The following MED24 variants were observed in gnomAD, a reference collection of about 807,000 sequenced individuals.
The protein encoded by MED24 is mediator complex subunit 24, also known as mediator of RNA polymerase II transcription subunit 24.
A neutral mutation model predicts 118.8 loss-of-function variants in MED24; 74 were observed. That is an observed-to-expected ratio of 0.62 (90% CI 0.52 to 0.76). The LOEUF (loss-of-function observed/expected upper bound fraction) is 0.76, where lower values mean the gene tolerates loss of function less well. Ranked by LOEUF, MED24 falls within the 30% of genes least tolerant of loss-of-function variation. The probability of loss-of-function intolerance (pLI) is 0.00; values close to 1 mark genes in which losing one functional copy is unlikely to be tolerated. For synonymous variants in MED24, 521 were observed against 523.9 expected (o/e 0.99, Z 0.08); for missense variants, 1,041 against 1,278.9 (o/e 0.81, Z 2.84).
chr17:40,027,320 T>TG, intron 16 of MED24, 63 bp downstream of exon 16: 1 of 1,518,582 alleles, frequency 6.6e-7, no homozygotes, highest in African/African-American at 1.4e-5. Flanking sequence ...GGCAGTGAGG[T>TG]GGGGAGAGTT....
chr17:40,022,339 T>C (rs1982120136), intron 22 of MED24, 55 bp downstream of exon 22: 1 of 1,522,278 alleles, frequency 6.6e-7, no homozygotes, highest in African/African-American at 1.4e-5. Context: ...CCTTAGGAAA[T>C]GCTGTAACAA....
In MED24 at chr17:40,019,201, C is replaced by CACACACAT. The variant is rs1555661994; in HGVS notation, c.*327_*328insATGTGTGT. 7 of 308,746 alleles carry CACACACAT rather than the reference C, an allele frequency of 2.3e-5. No individual in the cohort carries two copies. Among genetic ancestry groups the CACACACAT allele is most frequent in the Non-Finnish European group, 1.8e-5 (3 of 164,202 alleles). 19.1% of individuals were successfully genotyped at this position (308,746 alleles called of 1,614,324 possible). On this transcript the variant is annotated 3_prime_UTR_variant, in exon 26 of 26. Coordinates refer to ENST00000394128, the MANE Select transcript of MED24 (RefSeq NM_014815.4). ...ACACACACACACACACACACACACACACATACACACTTTGCATCTAGAAAG... is the reference window on the plus strand; with the variant it reads ...ACACACACACACACACACACACACACACACACATACATACACACTTTGCATCTAGAAAG...
At chr17:40,053,252 A>T (rs918025044) in intron 3 of MED24, 46 bp downstream of exon 3, 13 of 1,524,024 alleles carry the variant, frequency 8.5e-6, no homozygotes, top group Non-Finnish European at 1.2e-5. Context: ...CAAGTTTTTT[A>T]CCCCCAGAAC....
chr17:40,048,755 A>G (rs1330369080), intron 3 of MED24, among the ~76,000 whole-genome samples: 1 of 152,046 alleles, frequency 6.6e-6, no homozygotes, highest in East Asian at 1.9e-4. Flanking sequence ...GAATTTCACC[A>G]TGTTGACCAA....
intron 3 of MED24, among the ~76,000 whole-genome samples, chr17:40,049,063 T>A (rs907168070): frequency 4.6e-5 from 7 of 152,040 alleles, no homozygotes; most frequent in African/African-American, 1.7e-4. Context: ...GTCCAGGGAC[T>A]GAGCACAGTG....
Position 40,032,107 on chromosome 17 carries a change from G to A in MED24, c.937-17C>T. On this transcript the variant is annotated splice_polypyrimidine_tract_variant and intron_variant, in intron 9 of 25. Transcript: ENST00000394128. ...CTGTGGAATCTAGGGGGTGAGGCAG[G>A]GGGAAAAACAGGAAGATCCATTTCT... 11 of 1,612,864 alleles carry A rather than the reference G, an allele frequency of 6.8e-6. No individual in the cohort carries two copies. Among genetic ancestry groups the A allele is most frequent in the Non-Finnish European group, 9.3e-6 (11 of 1,179,292 alleles).
At chr17:40,027,766 G>T in intron 15 of MED24, 143 bp downstream of exon 15, 1 of 924,418 alleles carries the variant, frequency 1.1e-6, no homozygotes, top group Non-Finnish European at 1.7e-6. Context: ...TTCAAGCTCT[G>T]TGGAAGCTTC....
At chr17:40,030,400 A>G (rs1238116457) in intron 12 of MED24, among the ~76,000 whole-genome samples, 1 of 151,582 alleles carries the variant, frequency 6.6e-6, no homozygotes, top group Non-Finnish European at 1.5e-5. Context: ...GGTTCAAGTG[A>G]TTCTCCTGCC....
chr17:40,043,356 T>A (rs927877899), intron 3 of MED24, among the ~76,000 whole-genome samples: 2 of 152,100 alleles, frequency 1.3e-5, no homozygotes, highest in African/African-American at 2.4e-5. Context: ...TGGACCCCTA[T>A]TCACTAGGGA....
chr17:40,039,550 A>G (rs1209582498), intron 3 of MED24, among the ~76,000 whole-genome samples: 1 of 152,236 alleles, frequency 6.6e-6, no homozygotes, highest in African/African-American at 2.4e-5. Flanking sequence ...TTGAGAGGGC[A>G]CAAAGGTCTT....
chr17:40,036,055 T>C, intron 4 of MED24, 61 bp downstream of exon 4: 1 of 1,540,270 alleles, frequency 6.5e-7, no homozygotes, highest in Admixed American at 1.7e-5. Flanking sequence ...ATCAGGGCCG[T>C]CAAGGAGGCG....
At chr17:40,042,676 C>T (rs1485888033) in intron 3 of MED24, among the ~76,000 whole-genome samples, 1 of 151,806 alleles carries the variant, frequency 6.6e-6, no homozygotes, top group Non-Finnish European at 1.5e-5. Context: ...GATACTCCGT[C>T]TCAAAAAAAA....
Position 40,053,594 on chromosome 17 carries a change from T to C in MED24, c.5A>G (p.Lys2Arg). The change falls in exon 2 of 26, where the codon AAG (lysine) becomes AGG (arginine). Residue 2 changes from lysine (K) to arginine (R), a missense_variant. Transcript: ENST00000394128. ...AATGGCTTGCTTCAGGTTGACCACC[T>C]TCATTATTTCACTCTGAGCAGGTGG... Reference protein sequence around the residue: MKVVNLKQAILQ... With the variant: MRVVNLKQAILQ... 1 of 1,614,128 alleles carries C rather than the reference T, an allele frequency of 6.2e-7. No homozygotes were observed. The highest frequency in any genetic ancestry group is 1.3e-5 in the African/African-American group (1 of 75,036).
In MED24 at chr17:40,042,582, G is replaced by A. The variant is rs577609978; in HGVS notation, c.214-6428C>T. On this transcript the variant is annotated intron_variant, in intron 3 of 25. Transcript: ENST00000394128. ...CAGCTACTTGGGAGGCTGAGGCAGA[G>A]AATTGCTTGATGCTTGAACCCAGGA... 1.8e-3 allele frequency among the ~76,000 whole-genome samples: 268 copies of A among 152,176 alleles called. 1 individual carries two copies. Among genetic ancestry groups the A allele is most frequent in the East Asian group, 1.4e-3 (7 of 5,170 alleles).
chr17:40,047,745 T>C (rs1045792697), intron 3 of MED24, among the ~76,000 whole-genome samples: 1 of 151,856 alleles, frequency 6.6e-6, no homozygotes, highest in Non-Finnish European at 1.5e-5. Flanking sequence ...TGTTTGTATG[T>C]TCTGAGACGA....
rs1280231110 is a variant in MED24, at chr17:40,033,439, C to T, written c.577G>A (p.Glu193Lys). 1.9e-6 allele frequency: 3 copies of T among 1,596,986 alleles called. No individual in the cohort carries two copies. The highest frequency in any genetic ancestry group is 1.1e-5 in the South Asian group (1 of 88,672). The change falls in exon 7 of 26, where the codon GAG (glutamate) becomes AAG (lysine). Residue 193 changes from glutamate to lysine, a missense_variant. Transcript: ENST00000394128. This position sits in a 1 kb window ranked among gnomAD's most constrained non-coding sequence, Gnocchi z 5.2. Reference protein sequence around the residue: ...LEEASSWTAIEHSLLKLGEIL... With the variant: ...LEEASSWTAIKHSLLKLGEIL... ...TCTCCAAGTTTCAAGAGAGAATGCT[C>T]GATGGCAGTCCAAGAAGCTGGCAGA...
At position 40,033,093 on chromosome 17, in the gene MED24, G is replaced by C. The variant is rs776218536; in HGVS notation, c.785C>G (p.Ser262Cys). Residue 262 changes from serine to cysteine, a missense_variant, in exon 8 of 26, where the codon TCC (serine) becomes TGC (cysteine). This residue lies in a region of MED24 where 434 missense variants were observed against 514.9 expected (regional missense o/e 0.84). Coordinates refer to ENST00000394128, the MANE Select transcript of MED24 (RefSeq NM_014815.4). This position sits in a 1 kb window ranked among gnomAD's most constrained non-coding sequence, Gnocchi z 5.2. Reference sequence around the variant, plus strand: ...CACCATCGTCAGCTGCTCCACCAGGGACTGCGTCTCGCCTGTCAGGTTCAT... The same window carrying C: ...CACCATCGTCAGCTGCTCCACCAGGCACTGCGTCTCGCCTGTCAGGTTCAT... ...GTMNLTGETQ[S>C]LVEQLTMVKR... 8 of 1,614,100 alleles carry C rather than the reference G, an allele frequency of 5.0e-6. No individual in the cohort carries two copies. The highest frequency in any genetic ancestry group is 6.8e-6 in the Non-Finnish European group (8 of 1,180,046).
chr17:40,026,082 G>A, intron 19 of MED24, 74 bp downstream of exon 19: 1 of 1,470,142 alleles, frequency 6.8e-7, no homozygotes, highest in Non-Finnish European at 9.3e-7. Flanking sequence ...AAAAGAGAGG[G>A]GTGCTTGTTA....
intron 3 of MED24, among the ~76,000 whole-genome samples, chr17:40,040,812 C>T (rs988432293): frequency 2.0e-5 from 3 of 151,988 alleles, no homozygotes; most frequent in Non-Finnish European, 2.9e-5. Context: ...GACAGAGTTT[C>T]GCCATGTTGG....
Sources: allele counts gnomAD v4.1 joint callset (sites outside exome capture counted in the v4.1 genomes callset), GRCh38; gene constraint gnomAD v4.1.1; regional missense constraint gnomAD v4.1.1; non-coding constraint Gnocchi (gnomAD v3.1); transcripts MANE v1.5; gene names NCBI Gene and HGNC (gene_info 2026-07-23, HGNC 2026-07-21).